The following SP3 variants were observed in gnomAD, a reference collection of about 807,000 sequenced individuals.
The protein encoded by SP3 is transcription factor Sp3.
In SP3, 10 loss-of-function variants were observed where a neutral mutation model predicts 70.3. That is an observed-to-expected ratio of 0.14 (90% confidence interval 0.09 to 0.24). SP3 has a LOEUF of 0.24. Ranked by LOEUF, SP3 falls within the 10% of genes least tolerant of loss-of-function variation. The probability of loss-of-function intolerance (pLI) is 1.00; values close to 1 mark genes in which losing one functional copy is unlikely to be tolerated. For missense variants in SP3, 825 were observed against 914.6 expected, an observed-to-expected ratio of 0.90 and a Z score of 1.26; for synonymous variants, 402 against 333.5, an observed-to-expected ratio of 1.21 and a Z score of -2.24.
At chr2:173,961,947 T>G (rs972487043) in intron 3 of SP3, among the ~76,000 whole-genome samples, 15 of 150,966 alleles carry the variant, frequency 9.9e-5, no homozygotes, top group Admixed American at 2.6e-4. Flanking sequence ...TTTTTTTTTT[T>G]TTTTTTTTTT....
chr2:173,926,787 T>G (rs1474639283), intron 4 of SP3, among the ~76,000 whole-genome samples: 2 of 152,226 alleles, frequency 1.3e-5, no homozygotes, highest in Non-Finnish European at 2.9e-5. Flanking sequence ...ATTGAATGGC[T>G]TGAAGTCGTT....
At chr2:173,911,227 G>A (rs899397518) in intron 6 of SP3, among the ~76,000 whole-genome samples, 1 of 152,016 alleles carries the variant, frequency 6.6e-6, no homozygotes, top group Non-Finnish European at 1.5e-5. Context: ...ATTATATTAA[G>A]TGATATGGAA....
chr2:173,927,018 A>G (rs185848413), intron 4 of SP3, among the ~76,000 whole-genome samples: 91 of 152,222 alleles, frequency 6.0e-4, no homozygotes, highest in Admixed American at 1.6e-3. Context: ...GAAACTTACA[A>G]TCATGGCAGA....
chr2:173,964,907 C>G, intron 1 of SP3: 2 of 515,858 alleles, frequency 3.9e-6, no homozygotes, highest in South Asian at 2.7e-5. Flanking sequence ...CGCGCCCGCA[C>G]ACAGGGGGAT....
intron 3 of SP3, among the ~76,000 whole-genome samples, chr2:173,957,221 G>A: frequency 6.6e-6 from 1 of 152,064 alleles, no homozygotes; most frequent in East Asian, 1.9e-4. Flanking sequence ...TCAAACATTT[G>A]AACGTAATTT....
rs1691261528 is a variant in SP3, at chr2:173,965,352, C to CA, written c.-182dup. The CA allele has an allele frequency of 1.5e-6, 1 of 683,296 alleles. No homozygotes were observed. The highest frequency in any genetic ancestry group is 2.0e-5 in the South Asian group (1 of 51,272). The allele number at this position is 683,296 out of a possible 1,614,324, so 42.3% of individuals were successfully genotyped here. On this transcript the variant is annotated 5_prime_UTR_variant, in exon 1 of 7. Coordinates refer to ENST00000310015, the MANE Select transcript of SP3 (RefSeq NM_003111.5). ...AACACAAAAGGTGGAGCCTCCAGCC[C>CA]AAAAGGGGGGAAGAGGGTGACAGCC...
intron 4 of SP3, among the ~76,000 whole-genome samples, chr2:173,954,028 G>A (rs1574423238): frequency 6.6e-6 from 1 of 152,196 alleles, no homozygotes; most frequent in East Asian, 1.9e-4. Context: ...CCCAATTTAA[G>A]AGTTTAGAAT....
chr2:173,932,502 T>C (rs571458334), intron 4 of SP3, among the ~76,000 whole-genome samples: 1 of 152,102 alleles, frequency 6.6e-6, no homozygotes, highest in African/African-American at 2.4e-5. Flanking sequence ...TGGCCTAGTT[T>C]CAATATTGTT....
chr2:173,910,535 C>G lies in SP3; in HGVS notation c.2030-278G>C, dbSNP rs537708606. ...ATAAGACTTTAATATCTCAACTACG[C>G]TAAGAGTTTGTTTGAAATACCTGTG... On this transcript the variant is annotated intron_variant, in intron 6 of 6. Coordinates refer to ENST00000310015, the MANE Select transcript of SP3 (RefSeq NM_003111.5). Among the ~76,000 whole-genome samples, 528 of 152,210 alleles carry G rather than the reference C, an allele frequency of 3.5e-3. 2 individuals carry two copies. Among genetic ancestry groups the G allele is most frequent in the African/African-American group, 0.012 (507 of 41,520 alleles).
At position 173,906,826 on chromosome 2, in the gene SP3, C is replaced by T. The variant is rs1018220854; in HGVS notation, c.*3115G>A. 1 of 152,124 alleles carries T rather than the reference C, an allele frequency of 6.6e-6. No homozygotes were observed. The highest frequency in any genetic ancestry group is 1.5e-5 in the Non-Finnish European group (1 of 68,030). 9.4% of individuals were successfully genotyped at this position (152,124 alleles called of 1,614,324 possible). On this transcript the variant is annotated 3_prime_UTR_variant, in exon 7 of 7. Coordinates refer to ENST00000310015, the MANE Select transcript of SP3 (RefSeq NM_003111.5). ...TTCAAAACACATATACACTCCATCT[C>T]CAGAGATGTTGATTTAGTAAGCTGA...
chr2:173,950,104 G>T (rs904234282), intron 4 of SP3, among the ~76,000 whole-genome samples: 2 of 152,126 alleles, frequency 1.3e-5, no homozygotes, highest in Non-Finnish European at 2.9e-5. Flanking sequence ...ACAGAAATAT[G>T]TAAGATTAGT....
intron 4 of SP3, among the ~76,000 whole-genome samples, chr2:173,946,721 CTTTTTT>C (rs35419725): frequency 3.1e-5 from 4 of 129,268 alleles, no homozygotes; most frequent in East Asian, 2.1e-4. Context: ...AAAGATCTGC[CTTTTTT>C]TTTTTTTTTT....
intron 1 of SP3, 23 bp from the exon 2 acceptor site, chr2:173,964,576 T>C (rs1488816678): frequency 1.6e-5 from 3 of 186,478 alleles, no homozygotes; most frequent in East Asian, 2.9e-4. Flanking sequence ...CGCGGGGGGG[T>C]GGGGGTGGGG....
chr2:173,921,689 C>G (rs1267479104), intron 4 of SP3, among the ~76,000 whole-genome samples: 1 of 152,144 alleles, frequency 6.6e-6, no homozygotes, highest in Non-Finnish European at 1.5e-5. Context: ...GCCCTCCAGC[C>G]TGGGCAACAA....
chr2:173,905,217 T>C lies in SP3; in HGVS notation c.*4724A>G, dbSNP rs1018222991. 3.3e-5 allele frequency among the ~76,000 whole-genome samples: 5 copies of C among 152,124 alleles called. No homozygotes were observed. Among genetic ancestry groups the C allele is most frequent in the African/African-American group, 1.2e-4 (5 of 41,422 alleles). On this transcript the variant is annotated 3_prime_UTR_variant, in exon 7 of 7. Coordinates refer to ENST00000310015, the MANE Select transcript of SP3 (RefSeq NM_003111.5). ...ATGAACCATAGTCAAACAATGAAAATTCTAAAACACTTCACTACAGAAAAA... is the reference window on the plus strand; with the variant it reads ...ATGAACCATAGTCAAACAATGAAAACTCTAAAACACTTCACTACAGAAAAA...
upstream of SP3, chr2:173,965,555 C>T (rs2105512622): frequency 4.4e-6 from 1 of 228,852 alleles, no homozygotes; most frequent in Admixed American, 5.9e-5. Flanking sequence ...TCGAGAGCGG[C>T]TACGGCTCGC....
intron 4 of SP3, among the ~76,000 whole-genome samples, chr2:173,930,277 G>A (rs758727267): frequency 2.6e-4 from 39 of 152,134 alleles, no homozygotes; most frequent in Admixed American, 1.8e-3. Context: ...ACTGATTGGA[G>A]GTAAGAAGCA....
chr2:173,930,929 T>C (rs1333472590), intron 4 of SP3, among the ~76,000 whole-genome samples: 2 of 152,200 alleles, frequency 1.3e-5, no homozygotes, highest in Non-Finnish European at 2.9e-5. Flanking sequence ...CTTTAATATA[T>C]TTCATTTAAC....
chr2:173,948,618 TAA>T (rs958704903), intron 4 of SP3, among the ~76,000 whole-genome samples: 6 of 152,180 alleles, frequency 3.9e-5, no homozygotes, highest in Non-Finnish European at 5.9e-5. Context: ...GACAATATTT[TAA>T]AATATATGAC....
Sources: allele counts gnomAD v4.1 joint callset (sites outside exome capture counted in the v4.1 genomes callset), GRCh38; gene constraint gnomAD v4.1.1; transcripts MANE v1.5; gene names NCBI Gene and HGNC (gene_info 2026-07-23, HGNC 2026-07-21).